Variants in KCNQ3 observed in about 807,000 individuals in gnomAD.
KCNQ3 encodes the protein potassium voltage-gated channel subfamily KQT member 3.
A neutral mutation model predicts 92.5 loss-of-function variants in KCNQ3; 30 were observed. The ratio of observed to expected loss-of-function variants is 0.32; its 90% confidence interval spans 0.24 to 0.44. The LOEUF (loss-of-function observed/expected upper bound fraction) is 0.44. Ranked by LOEUF, KCNQ3 falls within the 20% of genes least tolerant of loss-of-function variation. KCNQ3 has a pLI of 1.00. For synonymous variants in KCNQ3, 450 were observed against 468.8 expected, an observed-to-expected ratio of 0.96 and a Z score of 0.52; for missense variants, 913 against 1,140.3, an observed-to-expected ratio of 0.80 and a Z score of 2.87.
chr8:132,422,373 T>G (rs576563420), intron 1 of KCNQ3, among the ~76,000 whole-genome samples: 356 of 152,246 alleles, frequency 2.3e-3, no homozygotes, highest in Non-Finnish European at 4.4e-3. Flanking sequence ...GCTGACCTGG[T>G]TCCCCACTAA....
chr8:132,181,907 C>T (rs531028694), intron 3 of KCNQ3, among the ~76,000 whole-genome samples: 21 of 151,944 alleles, frequency 1.4e-4, no homozygotes, highest in Admixed American at 2.6e-4. Context: ...TAGCTGGGCA[C>T]GGTGGTGGGT....
rs1206001509 is a variant in KCNQ3 at position 132,134,301 on chromosome 8, C to T, written c.1788G>A (p.Gln596=). 5 of 1,613,328 alleles carry T rather than the reference C, an allele frequency of 3.1e-6. No individual in the cohort carries two copies. In the South Asian group the frequency reaches 5.5e-5, roughly 18 times the overall value. Residue 596 remains glutamine, a synonymous_variant, in exon 13 of 15, where the codon CAG becomes CAA. Coordinates refer to ENST00000388996, the MANE Select transcript of KCNQ3 (RefSeq NM_004519.4). The part of the protein sequence containing the change: ...QKGSAFTFPS[Q]QSPRNEPYVA... ...TCCACTGGCCCCACCTGGGAGATTG[C>T]TGGGATGGGAAGGTGAATGCTGACC...
chr8:132,469,995 T>C (rs1822261519), intron 1 of KCNQ3, among the ~76,000 whole-genome samples: 1 of 152,026 alleles, frequency 6.6e-6, no homozygotes, highest in African/African-American at 2.4e-5. Flanking sequence ...AGGTCAGCGA[T>C]GTTTCCTTTC....
chr8:132,407,582 A>G (rs552439689), intron 1 of KCNQ3, among the ~76,000 whole-genome samples: 2 of 152,178 alleles, frequency 1.3e-5, no homozygotes, highest in Admixed American at 1.3e-4. Context: ...GTCCTCCCTG[A>G]CCGTCTTTGG....
intron 1 of KCNQ3, chr8:132,187,288 T>C: frequency 2.2e-6 from 1 of 455,994 alleles, no homozygotes; most frequent in Non-Finnish European, 4.4e-6. Context: ...ATGAATAGGC[T>C]GGATCTGTCC....
chr8:132,347,803 C>T (rs1336695337), intron 1 of KCNQ3, among the ~76,000 whole-genome samples: 1 of 151,548 alleles, frequency 6.6e-6, no homozygotes, highest in African/African-American at 2.4e-5. Context: ...CAGTGAAACC[C>T]CGTCTCTACT....
At chr8:132,320,446 A>G (rs1298199363) in intron 1 of KCNQ3, among the ~76,000 whole-genome samples, 1 of 151,944 alleles carries the variant, frequency 6.6e-6, no homozygotes, top group East Asian at 1.9e-4. Context: ...GCTCAGGGGG[A>G]TTATGTTATT....
At chr8:132,469,990 A>G (rs1822261218) in intron 1 of KCNQ3, among the ~76,000 whole-genome samples, 1 of 152,078 alleles carries the variant, frequency 6.6e-6, no homozygotes, top group Non-Finnish European at 1.5e-5. Flanking sequence ...CAGGAAGGTC[A>G]GCGATGTTTC....
intron 1 of KCNQ3, among the ~76,000 whole-genome samples, chr8:132,226,804 A>T (rs1814435599): frequency 6.6e-6 from 1 of 152,162 alleles, no homozygotes; most frequent in Non-Finnish European, 1.5e-5. Flanking sequence ...GCTGGGGAGG[A>T]TATCACTGTG....
intron 1 of KCNQ3, among the ~76,000 whole-genome samples, chr8:132,416,247 A>G (rs910991626): frequency 3.0e-4 from 45 of 152,248 alleles, no homozygotes; most frequent in African/African-American, 1.0e-3. Flanking sequence ...TCTAAACACC[A>G]TCTCTCAAAA....
At chr8:132,195,730 G>T (rs753230104) in intron 1 of KCNQ3, among the ~76,000 whole-genome samples, 6 of 152,182 alleles carry the variant, frequency 3.9e-5, no homozygotes, top group Non-Finnish European at 5.9e-5. Flanking sequence ...TGAAAGAAAG[G>T]ATAAATAACA....
At chr8:132,435,523 T>G (rs1295052547) in intron 1 of KCNQ3, among the ~76,000 whole-genome samples, 1 of 152,154 alleles carries the variant, frequency 6.6e-6, no homozygotes, top group Admixed American at 6.5e-5. Flanking sequence ...GCATTCAATT[T>G]TCAAAGCACC....
At chr8:132,199,859 G>A (rs183068260) in intron 1 of KCNQ3, among the ~76,000 whole-genome samples, 94 of 150,340 alleles carry the variant, frequency 6.3e-4, no homozygotes, top group Admixed American at 1.4e-3. Flanking sequence ...GGAGTGAGCC[G>A]AGATCGTGCC....
chr8:132,341,822 A>G lies in KCNQ3; in HGVS notation c.386+138325T>C, dbSNP rs1308200215. On this transcript the variant is annotated intron_variant, in intron 1 of 14. Transcript: ENST00000388996. ...TCTAATCAACCTGATAACTGCCTATACAAAACTCTCAGGCATCCATGCAGT... is the reference window on the plus strand; with the variant it reads ...TCTAATCAACCTGATAACTGCCTATGCAAAACTCTCAGGCATCCATGCAGT... 3.3e-5 allele frequency among the ~76,000 whole-genome samples: 5 copies of G among 152,312 alleles called. No individual in the cohort carries two copies. In the East Asian group the frequency reaches 9.7e-4, roughly 29 times the overall value.
chr8:132,342,515 T>C (rs1204381690), intron 1 of KCNQ3, among the ~76,000 whole-genome samples: 1 of 152,140 alleles, frequency 6.6e-6, no homozygotes, highest in Non-Finnish European at 1.5e-5. Context: ...ATGATAGAAA[T>C]GGAGAAAGTT....
chr8:132,424,339 C>T (rs1258504678), intron 1 of KCNQ3, among the ~76,000 whole-genome samples: 1 of 152,142 alleles, frequency 6.6e-6, no homozygotes, highest in East Asian at 1.9e-4. Context: ...CTTGACAATT[C>T]CAGTCTCAAC....
At chr8:132,281,923 G>A (rs570255183) in intron 1 of KCNQ3, among the ~76,000 whole-genome samples, 2 of 152,202 alleles carry the variant, frequency 1.3e-5, no homozygotes, top group African/African-American at 4.8e-5. Flanking sequence ...AAACTTCAAC[G>A]TGACCTCTCT....
chr8:132,279,163 A>G (rs952944513), intron 1 of KCNQ3, among the ~76,000 whole-genome samples: 2 of 152,186 alleles, frequency 1.3e-5, no homozygotes, highest in Admixed American at 1.3e-4. Context: ...GTTTGCAGTG[A>G]GCCGAGATTG....
At chr8:132,154,193 G>GTTTTTTTTTTTTTTTGT (rs1825727544) in intron 9 of KCNQ3, among the ~76,000 whole-genome samples, 1 of 27,456 alleles carries the variant, frequency 3.6e-5, no homozygotes, top group Non-Finnish European at 6.8e-5. Context: ...AAGGGTAAAA[G>GTTTTTTTTTTTTTTTGT]TTTTTTTTTT....
Sources: gnomAD v4.1 joint callset for allele counts (sites outside exome capture counted in the v4.1 genomes callset) on GRCh38, gnomAD v4.1.1 for gene constraint, MANE v1.5 for transcripts, NCBI Gene and HGNC (gene_info 2026-07-23, HGNC 2026-07-21) for gene names.